Variants in PLCB1 observed in about 807,000 individuals in gnomAD.
PLCB1 encodes the protein 1-phosphatidylinositol 4,5-bisphosphate phosphodiesterase beta-1.
Under a neutral mutation model 161.8 loss-of-function variants are expected in PLCB1, and 46 were observed. That is an observed-to-expected ratio of 0.28 (90% CI 0.22 to 0.36). PLCB1 has a LOEUF of 0.36. Among genes scored for constraint, PLCB1 ranks in the 10% least tolerant of loss-of-function variants. The pLI, the probability that PLCB1 is intolerant of heterozygous loss-of-function variation, is 1.00. For missense variants in PLCB1, 1,016 were observed against 1,472.5 expected (o/e 0.69, Z 5.07); for synonymous variants, 517 against 503.7 (o/e 1.03, Z -0.35).
At chr20:8,212,752 G>A (rs551824303) in intron 2 of PLCB1, among the ~76,000 whole-genome samples, 1 of 152,158 alleles carries the variant, frequency 6.6e-6, no homozygotes, top group East Asian at 1.9e-4. Context: ...CCTCTCGAAG[G>A]ACATTTAGAG....
chr20:8,394,826 G>A (rs563958973), intron 3 of PLCB1, among the ~76,000 whole-genome samples: 4 of 152,064 alleles, frequency 2.6e-5, no homozygotes, highest in African/African-American at 9.6e-5. Context: ...TAGTATATAG[G>A]CTTCTATCTG....
At chr20:8,172,462 TG>T (rs894838575) in intron 2 of PLCB1, among the ~76,000 whole-genome samples, 1 of 152,150 alleles carries the variant, frequency 6.6e-6, no homozygotes, top group African/African-American at 2.4e-5. Flanking sequence ...GCCAATTGGC[TG>T]GAGCATAGTA....
chr20:8,570,764 T>G (rs147298187), intron 3 of PLCB1, among the ~76,000 whole-genome samples: 15 of 152,280 alleles, frequency 9.9e-5, no homozygotes, highest in African/African-American at 3.6e-4. Flanking sequence ...AAAAATGGTA[T>G]GAAGTAACTA....
intron 3 of PLCB1, among the ~76,000 whole-genome samples, chr20:8,474,279 A>G (rs1390073154): frequency 6.6e-6 from 1 of 152,184 alleles, no homozygotes; most frequent in Non-Finnish European, 1.5e-5. Context: ...GTTTCATGCT[A>G]GGAAGAAAGA....
intron 2 of PLCB1, among the ~76,000 whole-genome samples, chr20:8,329,956 C>G (rs1340060107): frequency 6.6e-6 from 1 of 152,028 alleles, no homozygotes; most frequent in Non-Finnish European, 1.5e-5. Flanking sequence ...TTCAGTTTTC[C>G]CTCTTGTAAT....
At position 8,493,231 on chromosome 20, in the gene PLCB1, A is replaced by G. The variant is rs1983022059; in HGVS notation, c.246+121781A>G. On this transcript the variant is annotated intron_variant, in intron 3 of 31. Transcript: ENST00000338037. The stretch of plus-strand genomic sequence containing the variant: ...CATCTATCTTTCACTGATTTCTCTC[A>G]TTTCTGGTCATCAAGGGCACCCCTT... Among the ~76,000 whole-genome samples the G allele has an allele frequency of 2.0e-5, 3 of 152,024 alleles. 1 individual carries two copies. In the South Asian group the frequency reaches 6.2e-4, roughly 32 times the overall value.
At chr20:8,537,654 T>C (rs1304013767) in intron 3 of PLCB1, among the ~76,000 whole-genome samples, 3 of 152,122 alleles carry the variant, frequency 2.0e-5, no homozygotes, top group African/African-American at 7.2e-5. Context: ...AATGAATATT[T>C]CTGACAATCA....
chr20:8,440,838 T>A (rs996518236), intron 3 of PLCB1, among the ~76,000 whole-genome samples: 3 of 149,732 alleles, frequency 2.0e-5, no homozygotes, highest in South Asian at 2.1e-4. Flanking sequence ...GTTTTTGATT[T>A]TATATATATA....
intron 3 of PLCB1, among the ~76,000 whole-genome samples, chr20:8,418,673 C>A (rs1979405171): frequency 6.6e-6 from 1 of 151,840 alleles, no homozygotes. Context: ...AATAAAAAAT[C>A]AAAATATTTA....
At chr20:8,179,845 G>GTTT (rs2051819906) in intron 2 of PLCB1, among the ~76,000 whole-genome samples, 2 of 123,382 alleles carry the variant, frequency 1.6e-5, no homozygotes, top group African/African-American at 3.3e-5. Context: ...TTTGTTGAGG[G>GTTT]CTTTTTTTTT....
intron 27 of PLCB1, among the ~76,000 whole-genome samples, chr20:8,780,205 G>T (rs1983143707): frequency 6.6e-6 from 1 of 152,050 alleles, no homozygotes; most frequent in South Asian, 2.1e-4. Flanking sequence ...AAATTCTTAG[G>T]GATTTACCTG....
chr20:8,145,549 A>T (rs1396188271), intron 1 of PLCB1, among the ~76,000 whole-genome samples: 1 of 152,214 alleles, frequency 6.6e-6, no homozygotes, highest in East Asian at 1.9e-4. Flanking sequence ...AAGAAGTTAG[A>T]TTTATTTTGT....
intron 3 of PLCB1, among the ~76,000 whole-genome samples, chr20:8,603,026 A>G (rs529018291): frequency 1.4e-5 from 2 of 138,002 alleles, no homozygotes; most frequent in Admixed American, 6.9e-5. Context: ...AAAGTATCAC[A>G]TGGTTTGTAC....
intron 9 of PLCB1, among the ~76,000 whole-genome samples, chr20:8,682,099 G>A (rs776778524): frequency 1.6e-4 from 25 of 152,112 alleles, no homozygotes; most frequent in African/African-American, 2.7e-4. Context: ...TGCATTTATC[G>A]TATGGTAGAT....
At chr20:8,647,039 G>T (rs956967899) in intron 5 of PLCB1, among the ~76,000 whole-genome samples, 20 of 152,032 alleles carry the variant, frequency 1.3e-4, no homozygotes, top group African/African-American at 3.6e-4. Flanking sequence ...AATTCCTTTT[G>T]CTTTTAGTCA....
chr20:8,658,907 T>C (rs1036035542), intron 9 of PLCB1, among the ~76,000 whole-genome samples: 8 of 152,188 alleles, frequency 5.3e-5, no homozygotes, highest in African/African-American at 1.7e-4. Context: ...ATTGTTGTTA[T>C]ATGTATAGAT....
At chr20:8,388,142 A>G (rs1276007803) in intron 3 of PLCB1, among the ~76,000 whole-genome samples, 1 of 152,060 alleles carries the variant, frequency 6.6e-6, no homozygotes, top group Non-Finnish European at 1.5e-5. Flanking sequence ...TTCTTTTTTT[A>G]TGGAGACTTC....
At chr20:8,548,116 T>C (rs1985624416) in intron 3 of PLCB1, among the ~76,000 whole-genome samples, 1 of 149,546 alleles carries the variant, frequency 6.7e-6, no homozygotes, top group African/African-American at 2.5e-5. Flanking sequence ...CCTTCTTCCT[T>C]CCTTTTCTTT....
At chr20:8,629,817 T>TTTTCTTTCTTTTCTTTTC (rs1555777956) in intron 4 of PLCB1, among the ~76,000 whole-genome samples, 1 of 96,964 alleles carries the variant, frequency 1.0e-5, no homozygotes, top group African/African-American at 3.8e-5. Context: ...CTTTTCTTTC[T>TTTTCTTTCTTTTCTTTTC]TTTCTTTCTT....
Sources: gnomAD v4.1 joint callset for allele counts (sites outside exome capture counted in the v4.1 genomes callset) on GRCh38, gnomAD v4.1.1 for gene constraint, MANE v1.5 for transcripts, NCBI Gene and HGNC (gene_info 2026-07-23, HGNC 2026-07-21) for gene names.